The following ESAM variants were observed in gnomAD, a reference collection of about 807,000 sequenced individuals.
ESAM encodes the protein endothelial cell-selective adhesion molecule.
In ESAM, 23 loss-of-function variants were observed where a neutral mutation model predicts 31.8. The observed-to-expected ratio is 0.72, with a 90% CI of 0.52 to 1.03. The LOEUF (loss-of-function observed/expected upper bound fraction) is 1.03. Among genes scored for constraint, ESAM ranks in the 50% least tolerant of loss-of-function variants. The probability of loss-of-function intolerance (pLI) is 0.00; values close to 1 mark genes in which losing one functional copy is unlikely to be tolerated. For missense variants in ESAM, 478 were observed against 488.9 expected (o/e 0.98, Z 0.21); for synonymous variants, 216 against 207.2 (o/e 1.04, Z -0.37).
intron 1 of ESAM, 75 bp from the exon 2 acceptor site, chr11:124,758,602 TCAC>T: frequency 7.0e-7 from 1 of 1,424,374 alleles, no homozygotes; most frequent in Non-Finnish European, 9.2e-7. Context: ...CTACGCGGCT[TCAC>T]CAGAGAGCGA....
At chr11:124,757,558 GGGA>G (rs1308723661) in intron 2 of ESAM, 1 of 152,302 alleles carries the variant, frequency 6.6e-6, no homozygotes, top group Admixed American at 6.5e-5. Context: ...GGGAGATTGT[GGGA>G]GGAGATGGCC....
Position 124,758,394 on chromosome 11 carries a change from C to G in ESAM, c.204G>C (p.Val68=). The G allele has an allele frequency of 3.1e-6, 5 of 1,614,186 alleles. No homozygotes were observed. The highest frequency in any genetic ancestry group is 4.2e-6 in the Non-Finnish European group (5 of 1,180,030). ...GTTTGAAGAACCACATCACAAAGGG[C>G]ACCTCCCATGGCTGGGATGAAGACA... The part of the protein sequence containing the change: ...GEVSSSQPWE[V]PFVMWFFKQK... The change falls in exon 2 of 7, where the codon GTG becomes GTC. Residue 68 remains valine (V), a synonymous_variant. Transcript: ENST00000278927.
Position 124,754,301 on chromosome 11 carries a change from G to A in ESAM, c.770C>T (p.Thr257Ile). 6.2e-7 allele frequency: 1 copy of A among 1,614,002 alleles called. No homozygotes were observed. The highest frequency in any genetic ancestry group is 8.5e-7 in the Non-Finnish European group (1 of 1,179,992). ...AGCCAGCAACCCCAGTCCAACCAGGGTACCCACAACAGCTCCAGCAACCAC... is the reference window on the plus strand; with the variant it reads ...AGCCAGCAACCCCAGTCCAACCAGGATACCCACAACAGCTCCAGCAACCAC... ...AAVVAGAVVG[T>I]LVGLGLLAGL... Residue 257 changes from threonine to isoleucine, a missense_variant, in exon 6 of 7, where the codon ACC becomes ATC. Transcript: ENST00000278927. This position sits in a 1 kb window ranked among gnomAD's most constrained non-coding sequence, Gnocchi z 4.5.
At position 124,756,259 on chromosome 11, in the gene ESAM, G is replaced by A; in HGVS notation, c.555C>T (p.Tyr185=). The change falls in exon 4 of 7, where the codon TAC becomes TAT. Residue 185 remains tyrosine, a synonymous_variant. Coordinates refer to ENST00000278927, the MANE Select transcript of ESAM (RefSeq NM_138961.3). Reference sequence around the variant, plus strand: ...AGGATGGAAGCTGCCGATCCCACTGGTATTGGACAGCGGGCTTACTCCTTG... The same window carrying A: ...AGGATGGAAGCTGCCGATCCCACTGATATTGGACAGCGGGCTTACTCCTTG... The part of the protein sequence containing the change: ...QSPRSKPAVQ[Y]QWDRQLPSFQ... 6.2e-7 allele frequency: 1 copy of A among 1,614,182 alleles called. No individual in the cohort carries two copies. Among genetic ancestry groups the A allele is most frequent in the Non-Finnish European group, 8.5e-7 (1 of 1,180,036 alleles).
chr11:124,756,132 C>T, intron 4 of ESAM, 75 bp downstream of exon 4: 4 of 1,595,228 alleles, frequency 2.5e-6, no homozygotes, highest in African/African-American at 1.3e-5. Context: ...CCCCTTTTCA[C>T]CCCAGTCCCT....
intron 1 of ESAM, among the ~76,000 whole-genome samples, chr11:124,761,270 G>A (rs1453377823): frequency 6.6e-6 from 1 of 152,180 alleles, no homozygotes; most frequent in Non-Finnish European, 1.5e-5. Flanking sequence ...TAGTCCTGCC[G>A]GGTCCTCTCC....
chr11:124,756,793 C>A, intron 2 of ESAM, 51 bp from the exon 3 acceptor site: 2 of 1,543,082 alleles, frequency 1.3e-6, no homozygotes, highest in Non-Finnish European at 1.7e-6. Context: ...GTCTACTGTG[C>A]CTACAGGCTC....
At position 124,762,233 on chromosome 11, in the gene ESAM, G is replaced by T; in HGVS notation, c.-79C>A. The T allele has an allele frequency of 8.6e-7, 1 of 1,160,598 alleles. No individual in the cohort carries two copies. The highest frequency in any genetic ancestry group is 1.2e-6 in the Non-Finnish European group (1 of 844,708). 71.9% of individuals were successfully genotyped at this position (1,160,598 alleles called of 1,614,324 possible). On this transcript the variant is annotated 5_prime_UTR_variant, in exon 1 of 7. Transcript: ENST00000278927. This position sits in a 1 kb window ranked among gnomAD's most constrained non-coding sequence, Gnocchi z 6.4. ...CTGCAGGTGCCGAGGCTGCGCGACG[G>T]CCGGAGCGTGCGCGGGAGCCGAGCC...
At chr11:124,758,242 T>G (rs886801623) in intron 2 of ESAM, 107 bp downstream of exon 2, 28 of 1,333,172 alleles carry the variant, frequency 2.1e-5, no homozygotes, top group Admixed American at 1.7e-4. Context: ...CTGAAACTCC[T>G]TCCCCGGCCC....
chr11:124,758,666 A>G, intron 1 of ESAM, 139 bp from the exon 2 acceptor site: 1 of 1,004,630 alleles, frequency 1.0e-6, no homozygotes, highest in Non-Finnish European at 1.4e-6. Context: ...CGGCCCCTGG[A>G]GGCCTCAAGG....
intron 4 of ESAM, among the ~76,000 whole-genome samples, chr11:124,755,496 A>G (rs994433583): frequency 6.6e-6 from 1 of 152,192 alleles, no homozygotes; most frequent in Non-Finnish European, 1.5e-5. Context: ...GATGTGTATG[A>G]ACTTACCACA....
intron 1 of ESAM, among the ~76,000 whole-genome samples, chr11:124,758,922 G>C (rs1944192143): frequency 6.6e-6 from 1 of 152,298 alleles, no homozygotes; most frequent in South Asian, 2.1e-4. Flanking sequence ...TGCTTCCCTA[G>C]TTTTCCTGAG....
At chr11:124,760,905 G>T (rs1944221535) in intron 1 of ESAM, among the ~76,000 whole-genome samples, 1 of 152,168 alleles carries the variant, frequency 6.6e-6, no homozygotes, top group Admixed American at 6.5e-5. Flanking sequence ...GAAGTCTGAG[G>T]GATCCTGGAG....
Position 124,753,622 on chromosome 11 carries a change from T to A in ESAM, c.*24A>T. ...TATAGGAAGGAGAGACCCCAAATCC[T>A]TTAGCCAATGAGTGGTGGGGTCATC... On this transcript the variant is annotated 3_prime_UTR_variant, in exon 7 of 7. Coordinates refer to ENST00000278927, the MANE Select transcript of ESAM (RefSeq NM_138961.3). 6.2e-7 allele frequency: 1 copy of A among 1,612,624 alleles called. No homozygotes were observed. The highest frequency in any genetic ancestry group is 8.5e-7 in the Non-Finnish European group (1 of 1,179,886).
rs568557239 is a variant in ESAM, at chr11:124,753,726, C to G, written c.1093G>C (p.Val365Leu). The G allele has an allele frequency of 3.1e-6, 5 of 1,614,142 alleles. No individual in the cohort carries two copies. In the South Asian group the frequency reaches 5.5e-5, roughly 18 times the overall value. ...PQPISPIPGG[V>L]SSSGLSRMGA... The stretch of plus-strand genomic sequence containing the variant: ...ATGCGGCTCAAGCCAGAGGAAGAAA[C>G]CCCACCAGGGATGGGGGATATTGGT... Residue 365 changes from valine (V) to leucine (L), a missense_variant, in exon 7 of 7, where the codon GTT becomes CTT. Transcript: ENST00000278927.
Position 124,756,285 on chromosome 11 carries a change from G to A in ESAM, c.529C>T (p.Pro177Ser), listed in dbSNP as rs1204372786. 1 of 1,613,882 alleles carries A rather than the reference G, an allele frequency of 6.2e-7. No homozygotes were observed. The highest frequency in any genetic ancestry group is 1.3e-5 in the African/African-American group (1 of 74,942). Residue 177 changes from proline to serine, a missense_variant, in exon 4 of 7, where the codon CCA (proline) becomes TCA (serine). Transcript: ENST00000278927. ...TATTGGACAGCGGGCTTACTCCTTG[G>A]AGACTGGCAGCTCAGGGTCACGTTT... ...GANVTLSCQS[P>S]RSKPAVQYQW... is the part of the protein sequence containing the mutation.
At chr11:124,761,970 G>A (rs1944235563) in intron 1 of ESAM, 115 bp downstream of exon 1, 10 of 925,386 alleles carry the variant, frequency 1.1e-5, no homozygotes, top group Non-Finnish European at 1.7e-5. Context: ...AGGAGGTCAG[G>A]GGAGGAGGGC....
chr11:124,755,737 CCA>C (rs1944144677), intron 4 of ESAM, among the ~76,000 whole-genome samples: 1 of 152,178 alleles, frequency 6.6e-6, no homozygotes, highest in Non-Finnish European at 1.5e-5. Context: ...GTACGTCGTT[CCA>C]TATGACCACA....
At position 124,754,220 on chromosome 11, in the gene ESAM, T is replaced by C. The variant is rs767795081; in HGVS notation, c.851A>G (p.Asp284Gly). ...RGKALEEPAN[D>G]IKEDAIAPRT... ...AGACACCAGGGACACTTACTTGATA[T>C]CATTGGCTGGCTCCTCCAGGGCCTT... The change falls in exon 6 of 7, where the codon GAT becomes GGT. Residue 284 changes from aspartate (D) to glycine (G), a missense_variant. Asp to Gly is a moderately conservative substitution (Grantham distance 94, BLOSUM62 -1). Transcript: ENST00000278927. The surrounding 1 kb of genome is among the most constrained non-coding windows in gnomAD (Gnocchi z 4.5). 2 of 1,613,752 alleles carry C rather than the reference T, an allele frequency of 1.2e-6. No homozygotes were observed. The highest frequency in any genetic ancestry group is 2.7e-5 in the African/African-American group (2 of 74,874).
Sources: allele counts gnomAD v4.1 joint callset (sites outside exome capture counted in the v4.1 genomes callset), GRCh38; gene constraint gnomAD v4.1.1; non-coding constraint Gnocchi (gnomAD v3.1); transcripts MANE v1.5; gene names NCBI Gene and HGNC (gene_info 2026-07-23, HGNC 2026-07-21).